MKLN1: variants seen among roughly 807,000 people sequenced by gnomAD.
MKLN1 encodes the protein muskelin.
In MKLN1, 18 loss-of-function variants were observed where a neutral mutation model predicts 99.0. That is an observed-to-expected ratio of 0.18 (90% CI 0.13 to 0.27). The LOEUF (loss-of-function observed/expected upper bound fraction) is 0.27. Ranked by LOEUF, MKLN1 falls within the 10% of genes least tolerant of loss-of-function variation. The pLI, the probability that MKLN1 is intolerant of heterozygous loss-of-function variation, is 1.00. For missense variants in MKLN1, 621 were observed against 875.9 expected (o/e 0.71, Z 3.67); for synonymous variants, 288 against 293.2 (o/e 0.98, Z 0.18).
chr7:131,263,632 C>A (rs1797766950), intron 3 of MKLN1, among the ~76,000 whole-genome samples: 1 of 150,740 alleles, frequency 6.6e-6, no homozygotes, highest in Non-Finnish European at 1.5e-5. Context: ...AGTGCAGTGG[C>A]ACGATCTCGG....
chr7:131,215,896 G>A (rs1050182787), intron 3 of MKLN1, among the ~76,000 whole-genome samples: 1 of 151,980 alleles, frequency 6.6e-6, no homozygotes, highest in Non-Finnish European at 1.5e-5. Flanking sequence ...GTTTGTTTGG[G>A]GGGGATAGGG....
chr7:131,387,386 T>G, intron 3 of MKLN1, 124 bp downstream of exon 3: 1 of 785,366 alleles, frequency 1.3e-6, no homozygotes, highest in Non-Finnish European at 1.9e-6. Context: ...TTCTATTCTA[T>G]CCCTAATGCC....
intron 2 of MKLN1, among the ~76,000 whole-genome samples, chr7:131,180,710 A>G (rs898982207): frequency 2.0e-5 from 3 of 151,882 alleles, no homozygotes; most frequent in Non-Finnish European, 4.4e-5. Flanking sequence ...AAAAAAAAAA[A>G]AAAGAAAGAA....
At chr7:131,240,589 G>A (rs1797388429) in intron 3 of MKLN1, among the ~76,000 whole-genome samples, 1 of 152,324 alleles carries the variant, frequency 6.6e-6, no homozygotes, top group African/African-American at 2.4e-5. Flanking sequence ...AACCTTTCCA[G>A]AGGTAAATTT....
chr7:131,272,872 T>C (rs560046237), intron 3 of MKLN1, among the ~76,000 whole-genome samples: 1 of 152,222 alleles, frequency 6.6e-6, no homozygotes, highest in South Asian at 2.1e-4. Flanking sequence ...CCACAACACA[T>C]GGGAATTCTG....
At chr7:131,316,293 G>A (rs146445645) in intron 3 of MKLN1, among the ~76,000 whole-genome samples, 1 of 152,204 alleles carries the variant, frequency 6.6e-6, no homozygotes, top group Non-Finnish European at 1.5e-5. Flanking sequence ...AACCTCCACT[G>A]GTGATACCCA....
At chr7:131,189,579 C>A (rs1796504780) in intron 2 of MKLN1, among the ~76,000 whole-genome samples, 1 of 151,746 alleles carries the variant, frequency 6.6e-6, no homozygotes, top group Non-Finnish European at 1.5e-5. Flanking sequence ...GACAAACCCA[C>A]CCAGCCTAGG....
chr7:131,134,105 C>T (rs1343358422), intron 1 of MKLN1, among the ~76,000 whole-genome samples: 1 of 152,026 alleles, frequency 6.6e-6, no homozygotes, highest in Non-Finnish European at 1.5e-5. Context: ...GCTGGGATTA[C>T]AGGCATGAGC....
chr7:131,408,208 T>C (rs1449303665), intron 6 of MKLN1, among the ~76,000 whole-genome samples: 1 of 152,184 alleles, frequency 6.6e-6, no homozygotes, highest in Non-Finnish European at 1.5e-5. Flanking sequence ...CTCTAAGCTT[T>C]ACCGTCTTAG....
At chr7:131,173,131 G>A (rs1796240563) in intron 2 of MKLN1, among the ~76,000 whole-genome samples, 1 of 121,292 alleles carries the variant, frequency 8.2e-6, no homozygotes, top group Non-Finnish European at 1.7e-5. Flanking sequence ...ATCATATTTT[G>A]TATATACAAA....
chr7:131,148,947 T>C (rs76558699), intron 2 of MKLN1, among the ~76,000 whole-genome samples: 3 of 152,230 alleles, frequency 2.0e-5, no homozygotes, highest in African/African-American at 7.2e-5. Context: ...ATGACCTATA[T>C]GATCGAAGAT....
chr7:131,390,176 GT>G (rs1794157117), intron 4 of MKLN1, among the ~76,000 whole-genome samples: 1 of 152,060 alleles, frequency 6.6e-6, no homozygotes, highest in Non-Finnish European at 1.5e-5. Context: ...TACAGAAACT[GT>G]TTTTGGAACA....
intron 12 of MKLN1, 26 bp from the exon 13 acceptor site, chr7:131,463,187 TTTCA>T (rs764776570): frequency 6.5e-7 from 1 of 1,545,540 alleles, no homozygotes; most frequent in Admixed American, 1.8e-5. Context: ...ATGTGAATAT[TTTCA>T]TCTTATTTTT....
intron 1 of MKLN1, among the ~76,000 whole-genome samples, chr7:131,113,840 C>G (rs2082727): frequency 0.98 from 148,787 of 152,176 alleles, 72,825 homozygotes; most frequent in East Asian, 1. Context: ...GGGGAAGCAG[C>G]CACCTTCACA....
At chr7:131,147,921 C>T (rs1404931587) in intron 2 of MKLN1, among the ~76,000 whole-genome samples, 1 of 152,178 alleles carries the variant, frequency 6.6e-6, no homozygotes, top group Non-Finnish European at 1.5e-5. Context: ...TGGTATGGTG[C>T]TGTGGTGGGA....
At chr7:131,158,265 C>A (rs151015214) in intron 2 of MKLN1, among the ~76,000 whole-genome samples, 114 of 152,206 alleles carry the variant, frequency 7.5e-4, no homozygotes, top group African/African-American at 2.7e-3. Context: ...GAAGGCAAAA[C>A]CCTGTCTCTA....
intron 3 of MKLN1, among the ~76,000 whole-genome samples, chr7:131,247,787 G>T (rs556512932): frequency 6.6e-6 from 1 of 152,146 alleles, no homozygotes; most frequent in African/African-American, 2.4e-5. Context: ...AACTGGCAGG[G>T]TTTTGTCTTA....
At chr7:131,327,824 T>C, upstream of MKLN1, 1 of 1,561,776 alleles carries the variant, frequency 6.4e-7, no homozygotes. Flanking sequence ...GCGGCCCCTT[T>C]AAGAGCAGGC....
At chr7:131,350,452 A>G (rs1584635366) in intron 1 of MKLN1, among the ~76,000 whole-genome samples, 2 of 152,194 alleles carry the variant, frequency 1.3e-5, no homozygotes, top group East Asian at 3.8e-4. Flanking sequence ...CAGTGTTTAG[A>G]CATAGATTTG....
Sources: gnomAD v4.1 joint callset for allele counts (sites outside exome capture counted in the v4.1 genomes callset) on GRCh38, gnomAD v4.1.1 for gene constraint, MANE v1.5 for transcripts, NCBI Gene and HGNC (gene_info 2026-07-23, HGNC 2026-07-21) for gene names.